The following GCN1 variants were observed in gnomAD, a reference collection of about 807,000 sequenced individuals.
The protein encoded by GCN1 is stalled ribosome sensor GCN1.
In GCN1, 90 loss-of-function variants were observed where a neutral mutation model predicts 288.4. The observed-to-expected ratio is 0.31, with a 90% CI of 0.26 to 0.37. The LOEUF (loss-of-function observed/expected upper bound fraction) is 0.37. GCN1 is among the 10% of genes least tolerant of loss of function. GCN1 has a pLI of 1.00. For synonymous variants in GCN1, 1,386 were observed against 1,420.2 expected, an observed-to-expected ratio of 0.98 and a Z score of 0.54; for missense variants, 2,586 against 3,419.9, an observed-to-expected ratio of 0.76 and a Z score of 6.08.
At chr12:120,160,115 G>A (rs772781831) in intron 23 of GCN1, 27 bp downstream of exon 23, 1 of 1,594,740 alleles carries the variant, frequency 6.3e-7, no homozygotes, top group South Asian at 1.1e-5. Flanking sequence ...CTTCCGGCTT[G>A]AGCATGTGGC....
In GCN1 at chr12:120,131,930, C is replaced by G. The variant is rs753797968; in HGVS notation, c.7410G>C (p.Leu2470Phe). 1.3e-6 allele frequency: 2 copies of G among 1,596,430 alleles called. No individual in the cohort carries two copies. The highest frequency in any genetic ancestry group is 1.7e-6 in the Non-Finnish European group (2 of 1,168,584). Residue 2470 changes from leucine (L) to phenylalanine (F), a missense_variant, in exon 54 of 58, where the codon TTG becomes TTC. By Grantham distance (22) the Leu-to-Phe change is conservative. Around this residue, in one of 8 missense-constraint regions of GCN1, gnomAD observed 355 missense variants for 431.1 expected, o/e 0.82. Transcript: ENST00000300648. ...EELSAVLQQC[L>F]LADVSGIDWM... is the part of the protein sequence containing the mutation. ...GGAACTCTCCAGTGTACTTACCCAG[C>G]AAGCACTGCTGTAGAACGGCACTAA...
chr12:120,139,009 T>TAA (rs67609099), intron 45 of GCN1, 153 bp from the exon 46 acceptor site: 23 of 608,620 alleles, frequency 3.8e-5, no homozygotes, highest in East Asian at 3.2e-4. Context: ...TACTGTGAAA[T>TAA]AAAAAAAAGG....
intron 16 of GCN1, among the ~76,000 whole-genome samples, chr12:120,167,293 G>A (rs531625790): frequency 5.4e-5 from 8 of 148,864 alleles, no homozygotes; most frequent in South Asian, 4.3e-4. Flanking sequence ...GAGAGGTTGC[G>A]GTGGGCTGAG....
Position 120,174,157 on chromosome 12 carries a change from A to G in GCN1, c.1106T>C (p.Val369Ala). 6.3e-7 allele frequency: 1 copy of G among 1,590,740 alleles called. No homozygotes were observed. Among genetic ancestry groups the G allele is most frequent in the Non-Finnish European group, 8.6e-7 (1 of 1,158,682 alleles). ...KMSVLSGIGS[V>A]SHHVVSGPSS... ...AGGTCCAGACACCACGTGATGACTG[A>G]CGCTCCCAATCCCTAAAAGGCAGAT... Residue 369 changes from valine (V) to alanine (A), a missense_variant, in exon 13 of 58, where the codon GTC becomes GCC. Val to Ala is a moderately conservative substitution (Grantham distance 64). This residue lies in a region of GCN1 where 913 missense variants were observed against 1,107.0 expected (regional missense o/e 0.82). Transcript: ENST00000300648.
intron 3 of GCN1, among the ~76,000 whole-genome samples, chr12:120,184,457 G>A (rs918387191): frequency 3.3e-5 from 5 of 152,094 alleles, no homozygotes; most frequent in Non-Finnish European, 5.9e-5. Context: ...CATTGAGTGT[G>A]TAAGGGCAGC....
At chr12:120,172,791 A>G (rs1200499123) in intron 14 of GCN1, among the ~76,000 whole-genome samples, 1 of 152,056 alleles carries the variant, frequency 6.6e-6, no homozygotes, top group African/African-American at 2.4e-5. Flanking sequence ...GGCGTGAGCC[A>G]CTGTGCCCAG....
rs759299717 is a variant in GCN1 at position 120,149,597 on chromosome 12, T to C, written c.4546+9A>G. On this transcript the variant is annotated intron_variant, in intron 36 of 57. Coordinates refer to ENST00000300648, the MANE Select transcript of GCN1 (RefSeq NM_006836.2). ...AAGCTGGGAAGAGAGGCAGAGCGAGTGGTCTTACCAGCTTTGGTCCGCCAC... is the reference window on the plus strand; with the variant it reads ...AAGCTGGGAAGAGAGGCAGAGCGAGCGGTCTTACCAGCTTTGGTCCGCCAC... 19 of 1,579,052 alleles carry C rather than the reference T, an allele frequency of 1.2e-5. No homozygotes were observed. In the African/African-American group the frequency reaches 2.4e-4, roughly 20 times the overall value.
At chr12:120,132,142 C>G in intron 53 of GCN1, 120 bp from the exon 54 acceptor site, 1 of 680,834 alleles carries the variant, frequency 1.5e-6, no homozygotes, top group Non-Finnish European at 2.7e-6. Context: ...AAAGCCAACT[C>G]AGAGACTCAA....
intron 3 of GCN1, among the ~76,000 whole-genome samples, chr12:120,184,593 C>T (rs969645412): frequency 3.3e-5 from 5 of 152,150 alleles, no homozygotes; most frequent in East Asian, 1.9e-4. Flanking sequence ...AGGCACCTCA[C>T]GCTTACTAAC....
At chr12:120,160,516 A>G (rs1044620753) in intron 22 of GCN1, among the ~76,000 whole-genome samples, 1 of 152,234 alleles carries the variant, frequency 6.6e-6, no homozygotes, top group Non-Finnish European at 1.5e-5. Flanking sequence ...TTTTTATGTT[A>G]GAGAAATAAA....
rs1297567768 is a variant in GCN1 at position 120,144,849 on chromosome 12, C to G, written c.5156-14G>C. On this transcript the variant is annotated splice_polypyrimidine_tract_variant and intron_variant, in intron 40 of 57. Coordinates refer to ENST00000300648, the MANE Select transcript of GCN1 (RefSeq NM_006836.2). This position sits in a 1 kb window ranked among gnomAD's most constrained non-coding sequence, Gnocchi z 4.7. Reference sequence around the variant, plus strand: ...CCTCAGCCAACCCTGCAACAAAGGACAGAATGAGTCCACTGGATCTGAGGG... The same window carrying G: ...CCTCAGCCAACCCTGCAACAAAGGAGAGAATGAGTCCACTGGATCTGAGGG... 6.2e-7 allele frequency: 1 copy of G among 1,614,134 alleles called. No homozygotes were observed. The highest frequency in any genetic ancestry group is 1.1e-5 in the South Asian group (1 of 91,086).
rs778630421 is a variant in GCN1 at position 120,155,009 on chromosome 12, C to T, written c.3662G>A (p.Arg1221Gln). 5 of 1,613,996 alleles carry T rather than the reference C, an allele frequency of 3.1e-6. No individual in the cohort carries two copies. Among genetic ancestry groups the T allele is most frequent in the Non-Finnish European group, 4.2e-6 (5 of 1,179,850 alleles). Residue 1221 changes from arginine (R) to glutamine (Q), a missense_variant, in exon 31 of 58, where the codon CGA becomes CAA. Physicochemically the swap from Arg to Gln is conservative, Grantham distance 43. This residue lies in a region of GCN1 where 332 missense variants were observed against 403.0 expected (regional missense o/e 0.82). Transcript: ENST00000300648. This position sits in a 1 kb window ranked among gnomAD's most constrained non-coding sequence, Gnocchi z 4.9. The part of the protein sequence containing the change: ...RPPPVLDALG[R>Q]VISESPPDQW... The stretch of plus-strand genomic sequence containing the variant: ...ATCTGGAGGAGATTCTGAAATAACT[C>T]GTCCCAAAGCATCCAGCACTGGGGG...
chr12:120,174,789 C>CAAA (rs1212428710), intron 12 of GCN1, among the ~76,000 whole-genome samples: 14 of 30,368 alleles, frequency 4.6e-4, no homozygotes, highest in East Asian at 2.2e-3. Flanking sequence ...GACTCCATCT[C>CAAA]AAAAAAAAAA....
At position 120,168,385 on chromosome 12, in the gene GCN1, G is replaced by A; in HGVS notation, c.1520-85C>T. The A allele has an allele frequency of 4.7e-6, 4 of 852,234 alleles. No homozygotes were observed. The South Asian group carries it at 5.4e-5, about 12-fold the overall frequency. The allele number at this position is 852,234 out of a possible 1,614,324, so 52.8% of individuals were successfully genotyped here. Reference sequence around the variant, plus strand: ...ACTCCATCCTGAAGCTGCTGGGGTGGGCTTTGCTGACAAACCCTCCTCTGC... The same window carrying A: ...ACTCCATCCTGAAGCTGCTGGGGTGAGCTTTGCTGACAAACCCTCCTCTGC... On this transcript the variant is annotated intron_variant, in intron 15 of 57. Transcript: ENST00000300648.
chr12:120,133,101 T>C (rs983216576), intron 53 of GCN1, among the ~76,000 whole-genome samples: 4 of 152,170 alleles, frequency 2.6e-5, no homozygotes, highest in African/African-American at 9.7e-5. Flanking sequence ...AGGCTGGGGC[T>C]GGAGTCCGAC....
chr12:120,175,966 T>C (rs894336407), intron 10 of GCN1, 92 bp from the exon 11 acceptor site: 30 of 1,480,508 alleles, frequency 2.0e-5, no homozygotes, highest in African/African-American at 2.8e-5. Context: ...CTCTTCAGTA[T>C]TAGCTGTTTG....
intron 2 of GCN1, among the ~76,000 whole-genome samples, chr12:120,189,662 T>C (rs997883112): frequency 5.3e-5 from 8 of 151,168 alleles, no homozygotes; most frequent in Admixed American, 3.3e-4. Context: ...CCACCGTGCC[T>C]GGCCAAGGCC....
At chr12:120,145,386 C>T (rs1877332914) in intron 38 of GCN1, 56 bp from the exon 39 acceptor site, 1 of 1,335,974 alleles carries the variant, frequency 7.5e-7, no homozygotes, top group South Asian at 1.5e-5. Flanking sequence ...TTCTCCAGGC[C>T]TGTTCCACTG....
intron 23 of GCN1, 28 bp from the exon 24 acceptor site, chr12:120,160,051 G>A (rs758291447): frequency 6.2e-7 from 1 of 1,607,352 alleles, no homozygotes; most frequent in Non-Finnish European, 8.5e-7. Context: ...CAGAAGGCAG[G>A]TCAGCAGGGC....
Sources: allele counts gnomAD v4.1 joint callset (sites outside exome capture counted in the v4.1 genomes callset), GRCh38; gene constraint gnomAD v4.1.1; regional missense constraint gnomAD v4.1.1; non-coding constraint Gnocchi (gnomAD v3.1); transcripts MANE v1.5; gene names NCBI Gene and HGNC (gene_info 2026-07-23, HGNC 2026-07-21).